FANCC: variants seen among roughly 807,000 people sequenced by gnomAD.
FANCC encodes Fanconi anemia group C protein.
FANCC carries 55 observed loss-of-function variants against 71.3 expected under a neutral mutation model. The ratio of observed to expected loss-of-function variants is 0.77; its 90% CI spans 0.62 to 0.97. The LOEUF is 0.97. Among genes scored for constraint, FANCC ranks in the 50% least tolerant of loss-of-function variants. The probability of loss-of-function intolerance (pLI) is 0.00; values close to 1 mark genes in which losing one functional copy is unlikely to be tolerated. For missense variants in FANCC, 678 were observed against 670.9 expected (o/e 1.01, Z -0.12); for synonymous variants, 275 against 244.9 (o/e 1.12, Z -1.15).
At chr9:95,222,874 A>G (rs1197152240) in intron 4 of FANCC, among the ~76,000 whole-genome samples, 1 of 152,150 alleles carries the variant, frequency 6.6e-6, no homozygotes, top group African/African-American at 2.4e-5. Context: ...CAGCTTATTT[A>G]TGTTATATGC....
In FANCC at chr9:95,125,111, T is replaced by G. The variant is rs774439572; in HGVS notation, c.971A>C (p.Glu324Ala). Residue 324 changes from glutamate to alanine, a missense_variant, in exon 10 of 15, where the codon GAA (glutamate) becomes GCA (alanine). Transcript: ENST00000289081. The stretch of plus-strand genomic sequence containing the variant: ...CTGCTTGCTTGCTTTCTCCAGAGCT[T>G]CTACAAAGCACTGCGTAAACACCTG... ...TIQVFTQCFV[E>A]ALEKASKQLR... 6.2e-7 allele frequency: 1 copy of G among 1,614,224 alleles called. No individual in the cohort carries two copies. The highest frequency in any genetic ancestry group is 2.2e-5 in the East Asian group (1 of 44,890).
At chr9:95,202,978 A>C (rs565074679) in intron 4 of FANCC, among the ~76,000 whole-genome samples, 1 of 152,368 alleles carries the variant, frequency 6.6e-6, no homozygotes, top group East Asian at 1.9e-4. Context: ...GGTCCAGATT[A>C]TGTCAAACTG....
rs369996857 is a variant in FANCC, at chr9:95,196,975, T to C, written c.346-24828A>G. Among the ~76,000 whole-genome samples, 23 of 152,298 alleles carry C rather than the reference T, an allele frequency of 1.5e-4. 1 individual carries two copies. The East Asian group carries it at 2.5e-3, about 17-fold the overall frequency. On this transcript the variant is annotated intron_variant, in intron 4 of 14. Transcript: ENST00000289081. ...ACTCTGACTGAGAACATATTTACTATATCATGAGCTTTTTCAAGCTTTGAA... is the reference window on the plus strand; with the variant it reads ...ACTCTGACTGAGAACATATTTACTACATCATGAGCTTTTTCAAGCTTTGAA...
chr9:95,187,649 A>G (rs1353551982), intron 4 of FANCC, among the ~76,000 whole-genome samples: 1 of 152,028 alleles, frequency 6.6e-6, no homozygotes, highest in Non-Finnish European at 1.5e-5. Context: ...ACTGCACTGT[A>G]AAGTCTGGGG....
At chr9:95,110,285 C>A in intron 13 of FANCC, 1 of 1,012,976 alleles carries the variant, frequency 9.9e-7, no homozygotes, top group Non-Finnish European at 1.2e-6. Context: ...TGTCAGTAAC[C>A]TTTTGACTGT....
At chr9:95,291,947 C>CAAAAAAAAAA (rs775436297) in intron 1 of FANCC, among the ~76,000 whole-genome samples, 2 of 40,828 alleles carry the variant, frequency 4.9e-5, no homozygotes, top group African/African-American at 1.0e-4. Context: ...GACTCTGTCT[C>CAAAAAAAAAA]AAAAAAAAAA....
At chr9:95,103,654 G>A (rs903049962) in intron 14 of FANCC, among the ~76,000 whole-genome samples, 4 of 152,228 alleles carry the variant, frequency 2.6e-5, no homozygotes, top group Non-Finnish European at 5.9e-5. Context: ...CCGCAGGGAC[G>A]TTGGGCAGGG....
intron 4 of FANCC, among the ~76,000 whole-genome samples, chr9:95,213,775 G>A (rs1828664222): frequency 6.6e-6 from 1 of 152,050 alleles, no homozygotes; most frequent in Non-Finnish European, 1.5e-5. Context: ...TGACACCAAA[G>A]GCACGGACAA....
At chr9:95,164,165 G>A (rs1564712305) in intron 6 of FANCC, among the ~76,000 whole-genome samples, 1 of 152,122 alleles carries the variant, frequency 6.6e-6, no homozygotes, top group Non-Finnish European at 1.5e-5. Flanking sequence ...ATTTTTTTGT[G>A]TGAAATCTTT....
chr9:95,172,665 G>A (rs7032098), intron 4 of FANCC, among the ~76,000 whole-genome samples: 3,400 of 152,098 alleles, frequency 0.022, 133 homozygotes, highest in African/African-American at 0.077. Context: ...GACAGATTAT[G>A]TAATAAATGG....
intron 4 of FANCC, among the ~76,000 whole-genome samples, chr9:95,233,174 C>T (rs1830113111): frequency 6.6e-6 from 1 of 151,402 alleles, no homozygotes; most frequent in Admixed American, 6.6e-5. Context: ...ATCCCCTATA[C>T]AGGCAAATAC....
intron 1 of FANCC, chr9:95,293,996 A>C (rs1340983732): frequency 1.4e-5 from 23 of 1,592,586 alleles, no homozygotes; most frequent in Non-Finnish European, 1.9e-5. Flanking sequence ...AATGAGCCTA[A>C]GACTTTAAAT....
chr9:95,215,901 C>T (rs573386434), intron 4 of FANCC, among the ~76,000 whole-genome samples: 1 of 152,134 alleles, frequency 6.6e-6, no homozygotes, highest in Non-Finnish European at 1.5e-5. Flanking sequence ...AGTTCCTAAC[C>T]CAGAATCTAA....
chr9:95,201,048 C>T (rs1177936845), intron 4 of FANCC, among the ~76,000 whole-genome samples: 1 of 152,036 alleles, frequency 6.6e-6, no homozygotes, highest in Non-Finnish European at 1.5e-5. Flanking sequence ...AATGAATTGC[C>T]TTTTATAAAT....
At chr9:95,110,052 A>G (rs567514165) in intron 13 of FANCC, among the ~76,000 whole-genome samples, 1 of 152,308 alleles carries the variant, frequency 6.6e-6, no homozygotes, top group African/African-American at 2.4e-5. Context: ...CCTGTGACAG[A>G]ATGGGGGGAA....
At chr9:95,151,938 A>C (rs541031712) in intron 6 of FANCC, among the ~76,000 whole-genome samples, 12 of 151,966 alleles carry the variant, frequency 7.9e-5, no homozygotes, top group South Asian at 4.1e-4. Flanking sequence ...AAAAAAAAAA[A>C]AACAAAAAAC....
At chr9:95,197,303 G>A (rs772679147) in intron 4 of FANCC, among the ~76,000 whole-genome samples, 1 of 152,166 alleles carries the variant, frequency 6.6e-6, no homozygotes, top group South Asian at 2.1e-4. Flanking sequence ...TTGAGAGGCC[G>A]AGGTAGGAGG....
In FANCC at chr9:95,301,893, C is replaced by T. The variant is rs368799901; in HGVS notation, c.-79+15633G>A. 1.3e-3 allele frequency among the ~76,000 whole-genome samples: 189 copies of T among 144,242 alleles called. 1 individual carries two copies. The highest frequency in any genetic ancestry group is 8.2e-3 in the East Asian group (41 of 4,976). 94.6% of individuals were successfully genotyped at this position (144,242 alleles called of 152,430 possible). On this transcript the variant is annotated intron_variant, in intron 1 of 14. Coordinates refer to ENST00000289081, the MANE Select transcript of FANCC (RefSeq NM_000136.3). ...GAGATCCAGACCATCCTGGCTAACA[C>T]GGTGAAACCCCATCTCCACTAAAAA... is the stretch of plus-strand genomic sequence containing the variant.
chr9:95,107,114 C>T lies in FANCC; in HGVS notation c.1485G>A (p.Leu495=), dbSNP rs56082100. The change falls in exon 14 of 15, where the codon CTG becomes CTA. Residue 495 remains leucine (L), a synonymous_variant. Coordinates refer to ENST00000289081, the MANE Select transcript of FANCC (RefSeq NM_000136.3). ...TCGTGTGGCCTCCAGGAGCCCAGAG[C>T]AGGAAGTTGAGGAGAAGGTGCCTGA... is the stretch of plus-strand genomic sequence containing the variant. The part of the protein sequence containing the change: ...QLIRHLLLNF[L]LWAPGGHTIA... 526 of 1,614,158 alleles carry T rather than the reference C, an allele frequency of 3.3e-4. 1 individual carries two copies. The African/African-American group carries it at 6.0e-3, about 18-fold the overall frequency.
Sources: gnomAD v4.1 joint callset for allele counts (sites outside exome capture counted in the v4.1 genomes callset) on GRCh38, gnomAD v4.1.1 for gene constraint, MANE v1.5 for transcripts, NCBI Gene and HGNC (gene_info 2026-07-23, HGNC 2026-07-21) for gene names.